The following MIOS variants were observed in gnomAD, a reference collection of about 807,000 sequenced individuals.
MIOS encodes the protein meiosis regulator for oocyte development.
MIOS carries 52 observed loss-of-function variants against 96.9 expected under a neutral mutation model. The observed-to-expected ratio is 0.54, with a 90% CI of 0.43 to 0.68. The LOEUF is 0.68. MIOS is among the 30% of genes least tolerant of loss of function. The pLI, the probability that MIOS is intolerant of heterozygous loss-of-function variation, is 0.00. For synonymous variants in MIOS, 397 were observed against 359.5 expected, an observed-to-expected ratio of 1.10 and a Z score of -1.18; for missense variants, 1,005 against 1,052.8, an observed-to-expected ratio of 0.95 and a Z score of 0.63.
rs999928851 is a variant in MIOS at position 7,573,874 on chromosome 7, A to T, written c.1294+105A>T. The stretch of plus-strand genomic sequence containing the variant: ...TATGCTCAATGTTTTATATACAAAT[A>T]CAAGTTACATAATACTAACATTATA... On this transcript the variant is annotated intron_variant, in intron 4 of 12. Transcript: ENST00000340080. The surrounding 1 kb of genome is among the most constrained non-coding windows in gnomAD (Gnocchi z 5.0). 1.8e-6 allele frequency: 2 copies of T among 1,131,868 alleles called. No individual in the cohort carries two copies. The highest frequency in any genetic ancestry group is 3.1e-5 in the African/African-American group (2 of 64,142). The allele number at this position is 1,131,868 out of a possible 1,614,324, so 70.1% of individuals were successfully genotyped here. A position where few individuals can be genotyped will look rare whatever the true frequency, so the allele number is the denominator to read the frequency against.
chr7:7,579,043 G>A lies in MIOS; in HGVS notation c.1394-4075G>A, dbSNP rs558738149. Among the ~76,000 whole-genome samples the A allele has an allele frequency of 3.9e-5, 6 of 152,278 alleles. No homozygotes were observed. The South Asian group carries it at 1.2e-3, about 32-fold the overall frequency. ...TGATTTTTAATGTTTAAATAAACTT[G>A]TTTTCCTCGCAGCCATCAGTAAAAC... is the stretch of plus-strand genomic sequence containing the variant. On this transcript the variant is annotated intron_variant, in intron 5 of 12. Transcript: ENST00000340080.
At chr7:7,579,076 GTTAT>G (rs1427991226) in intron 5 of MIOS, among the ~76,000 whole-genome samples, 1 of 152,080 alleles carries the variant, frequency 6.6e-6, no homozygotes, top group Non-Finnish European at 1.5e-5. Context: ...AACGTTTTCT[GTTAT>G]TTATGTATAG....
At position 7,596,433 on chromosome 7, in the gene MIOS, T is replaced by C. The variant is rs1381619687; in HGVS notation, c.2373T>C (p.Asn791=). ...CTCGATGTGCGCTTTGTCTCATTAA[T>C]ATGGGAACACCAGTTTCTAGCTGTC... ...PLPRCALCLI[N]MGTPVSSCPG... is the part of the protein sequence containing the mutation. The change falls in exon 11 of 13, where the codon AAT becomes AAC. Residue 791 remains asparagine, a synonymous_variant. Transcript: ENST00000340080. 2 of 1,614,142 alleles carry C rather than the reference T, an allele frequency of 1.2e-6. No individual in the cohort carries two copies. Among genetic ancestry groups the C allele is most frequent in the Admixed American group, 1.7e-5 (1 of 60,032 alleles).
Position 7,607,329 on chromosome 7 carries a change from G to C in MIOS, c.*237G>C. On this transcript the variant is annotated 3_prime_UTR_variant, in exon 13 of 13. Coordinates refer to ENST00000340080, the MANE Select transcript of MIOS (RefSeq NM_019005.4). ...TGAGTTCTGTTCAGCAGGTTGAAAA[G>C]TCTGATTTAGAAAAACTTTCTAAGT... The C allele has an allele frequency of 3.2e-6, 1 of 316,168 alleles. No individual in the cohort carries two copies. Among genetic ancestry groups the C allele is most frequent in the Non-Finnish European group, 5.7e-6 (1 of 174,486 alleles). The allele number at this position is 316,168 out of a possible 1,614,324, so 19.6% of individuals were successfully genotyped here. A position where few individuals can be genotyped will look rare whatever the true frequency, so the allele number is the denominator to read the frequency against.
At chr7:7,579,885 C>A (rs1783656111) in intron 5 of MIOS, among the ~76,000 whole-genome samples, 1 of 152,164 alleles carries the variant, frequency 6.6e-6, no homozygotes, top group African/African-American at 2.4e-5. Context: ...TGACACATTT[C>A]TCAGAATGTA....
At chr7:7,574,381 C>G (rs1471793729) in intron 5 of MIOS, among the ~76,000 whole-genome samples, 185 bp downstream of exon 5, 1 of 151,888 alleles carries the variant, frequency 6.6e-6, no homozygotes, top group Non-Finnish European at 1.5e-5. Context: ...TATCCAAAAC[C>G]CTTTTTGCAG....
In MIOS at chr7:7,569,637, A is replaced by G. The variant is rs138225489; in HGVS notation, c.-41+1514A>G. On this transcript the variant is annotated intron_variant, in intron 3 of 12. Transcript: ENST00000340080. ...GGACTAGAGGTACAATGGAACACCAAAAATACTTCACCTGCTCTCATGGAG... is the reference window on the plus strand; with the variant it reads ...GGACTAGAGGTACAATGGAACACCAGAAATACTTCACCTGCTCTCATGGAG... Among the ~76,000 whole-genome samples, 1,353 of 152,352 alleles carry G rather than the reference A, an allele frequency of 8.9e-3. 12 individuals are homozygous for G. The highest frequency in any genetic ancestry group is 0.042 in the South Asian group (203 of 4,830).
chr7:7,601,607 G>C (rs146529920), intron 11 of MIOS, among the ~76,000 whole-genome samples: 109,572 of 151,810 alleles, frequency 0.72, 40,607 homozygotes, highest in Admixed American at 0.81. Context: ...AAAAGTCCAG[G>C]ACCAGATGGA....
chr7:7,589,232 T>A (rs1481592824), intron 8 of MIOS, among the ~76,000 whole-genome samples, 173 bp from the exon 9 acceptor site: 1 of 152,192 alleles, frequency 6.6e-6, no homozygotes, highest in East Asian at 1.9e-4. Context: ...TTATGGATAT[T>A]GCTTTGAAAT....
Position 7,573,842 on chromosome 7 carries a change from C to A in MIOS, c.1294+73C>A. The stretch of plus-strand genomic sequence containing the variant: ...TCTTGAAGTTTGCCAAAAGGTCAGT[C>A]TGTAAATATGCTCAATGTTTTATAT... On this transcript the variant is annotated intron_variant, in intron 4 of 12. Coordinates refer to ENST00000340080, the MANE Select transcript of MIOS (RefSeq NM_019005.4). This position sits in a 1 kb window ranked among gnomAD's most constrained non-coding sequence, Gnocchi z 5.0. 2 of 1,310,718 alleles carry A rather than the reference C, an allele frequency of 1.5e-6. No homozygotes were observed. 81.2% of individuals were successfully genotyped at this position (1,310,718 alleles called of 1,614,324 possible).
At chr7:7,578,798 C>T (rs560325130) in intron 5 of MIOS, among the ~76,000 whole-genome samples, 3 of 152,118 alleles carry the variant, frequency 2.0e-5, no homozygotes, top group East Asian at 1.9e-4. Context: ...GCAACTTCCA[C>T]CTCCTGGGTT....
At chr7:7,598,031 A>T (rs1169692187) in intron 11 of MIOS, among the ~76,000 whole-genome samples, 2 of 152,188 alleles carry the variant, frequency 1.3e-5, no homozygotes, top group South Asian at 2.1e-4. Context: ...TATGGGAAAA[A>T]ATTTTGAGAA....
rs767881518 is a variant in MIOS, at chr7:7,572,930, C to A, written c.455C>A (p.Thr152Asn). ...ATATGGGATATCTGCAGCAAATATACTCCTGATATAGTTCCCATGGAAAAA... is the reference window on the plus strand; with the variant it reads ...ATATGGGATATCTGCAGCAAATATAATCCTGATATAGTTCCCATGGAAAAA... ...VLIWDICSKY[T>N]PDIVPMEKVK... Residue 152 changes from threonine to asparagine, a missense_variant, in exon 4 of 13, where the codon ACT becomes AAT. Coordinates refer to ENST00000340080, the MANE Select transcript of MIOS (RefSeq NM_019005.4). This position sits in a 1 kb window ranked among gnomAD's most constrained non-coding sequence, Gnocchi z 4.8. 10 of 1,614,126 alleles carry A rather than the reference C, an allele frequency of 6.2e-6. No individual in the cohort carries two copies. Among genetic ancestry groups the A allele is most frequent in the Admixed American group, 3.3e-5 (2 of 60,020 alleles).
chr7:7,582,802 T>C (rs532241815), intron 5 of MIOS: 1 of 272,598 alleles, frequency 3.7e-6, no homozygotes, highest in Non-Finnish European at 6.1e-6. Flanking sequence ...CTAAAGGAAA[T>C]AGAGGAAACA....
intron 12 of MIOS, among the ~76,000 whole-genome samples, chr7:7,606,694 C>T (rs1444535736): frequency 6.6e-6 from 1 of 152,154 alleles, no homozygotes; most frequent in Non-Finnish European, 1.5e-5. Flanking sequence ...TTCAGCTTGG[C>T]AGTAGTTTAT....
rs1783190614 is a variant in MIOS at position 7,567,637 on chromosome 7, C to T, written c.-190C>T. On this transcript the variant is annotated 5_prime_UTR_variant, in exon 2 of 13. An upstream open reading frame in the 5' UTR gains an earlier in-frame stop. Transcript: ENST00000340080. ...TTTGGATATGTGCAGTGCATCTCCT[C>T]GAAGATGCTGATGGTGGAAATTTCT... 6.6e-6 allele frequency: 1 copy of T among 152,134 alleles called. No homozygotes were observed. The highest frequency in any genetic ancestry group is 1.5e-5 in the Non-Finnish European group (1 of 68,034). 9.4% of individuals were successfully genotyped at this position (152,134 alleles called of 1,614,324 possible).
At chr7:7,581,831 A>G (rs2348338) in intron 5 of MIOS, 105,359 of 151,968 alleles carry the variant, frequency 0.69, 36,605 homozygotes, top group Admixed American at 0.76. Flanking sequence ...CTTTCAAAGG[A>G]CTTACTTAAT....
intron 5 of MIOS, among the ~76,000 whole-genome samples, chr7:7,575,594 G>A (rs74717462): frequency 0.011 from 1,685 of 152,156 alleles, 41 homozygotes; most frequent in African/African-American, 0.039. Context: ...TAAACACCAA[G>A]TTTATAGAAT....
Position 7,606,061 on chromosome 7 carries a change from A to G in MIOS, c.2521A>G (p.Ser841Gly). ...RHGGHAGHML[S>G]WFRDHAECPV... ...CGGTGGACATGCTGGACATATGCTT[A>G]GTTGGTTCAGGTAATCAGCACATTT... The change falls in exon 12 of 13, where the codon AGT (serine) becomes GGT (glycine). Residue 841 changes from serine to glycine, a missense_variant. Around this residue, in one of 3 missense-constraint regions of MIOS, gnomAD observed 865 missense variants for 887.9 expected, o/e 0.97. Transcript: ENST00000340080. 6.2e-7 allele frequency: 1 copy of G among 1,613,732 alleles called. No individual in the cohort carries two copies. Among genetic ancestry groups the G allele is most frequent in the Non-Finnish European group, 8.5e-7 (1 of 1,179,728 alleles).
Sources: allele counts gnomAD v4.1 joint callset (sites outside exome capture counted in the v4.1 genomes callset), GRCh38; gene constraint gnomAD v4.1.1; regional missense constraint gnomAD v4.1.1; non-coding constraint Gnocchi (gnomAD v3.1); transcripts MANE v1.5; gene names NCBI Gene and HGNC (gene_info 2026-07-23, HGNC 2026-07-21).